The following SPMAP1 variants were observed in gnomAD, a reference collection of about 807,000 sequenced individuals.
SPMAP1 encodes the protein sperm microtubule associated protein 1, also known as uncharacterized protein C17orf98.
chr17:38,839,211 C>T, the SPMAP1 span, among the ~76,000 whole-genome samples: 1 of 151,254 alleles, frequency 6.6e-6, no homozygotes, highest in African/African-American at 2.4e-5. Context: ...TTCCTTCTGT[C>T]GTAAAATTAC....
At chr17:38,835,938 A>G in the SPMAP1 span, among the ~76,000 whole-genome samples, 1 of 152,146 alleles carries the variant, frequency 6.6e-6, no homozygotes, top group Non-Finnish European at 1.5e-5. Flanking sequence ...TTTTTGAGAC[A>G]GAGTCTTGCA....
chr17:38,835,201 G>GA, the SPMAP1 span: 10 of 1,614,070 alleles, frequency 6.2e-6, no homozygotes, highest in African/African-American at 1.2e-4. Context: ...AGAACAGAGG[G>GA]AAGTGGGTGA....
At chr17:38,837,019 A>AC in the SPMAP1 span, 5 of 730,846 alleles carry the variant, frequency 6.8e-6, no homozygotes. Context: ...GCACTGTGGC[A>AC]CCATCTGCTC....
the SPMAP1 span, chr17:38,841,260 T>C: frequency 5.0e-6 from 8 of 1,614,050 alleles, no homozygotes; most frequent in Non-Finnish European, 6.8e-6. Flanking sequence ...TGCTGCGCGT[T>C]GTAGGGCGGA....
At chr17:38,835,241 A>C in the SPMAP1 span, 1 of 1,614,196 alleles carries the variant, frequency 6.2e-7, no homozygotes, top group Non-Finnish European at 8.5e-7. Flanking sequence ...GCTCTGACGG[A>C]GGGCTGGAGT....
At chr17:38,839,848 A>G in the SPMAP1 span, among the ~76,000 whole-genome samples, 3 of 152,282 alleles carry the variant, frequency 2.0e-5, no homozygotes, top group South Asian at 2.1e-4. Context: ...TGTGTGACTC[A>G]TGTATGTCCA....
chr17:38,837,066 T>C, the SPMAP1 span: 1 of 991,794 alleles, frequency 1.0e-6, no homozygotes, highest in South Asian at 1.3e-5. Context: ...TGCAGTCCCT[T>C]TGCCTCTTCC....
At chr17:38,839,810 TA>T in the SPMAP1 span, among the ~76,000 whole-genome samples, 49 of 149,418 alleles carry the variant, frequency 3.3e-4, 1 homozygote, top group East Asian at 1.6e-3. Context: ...AAAAAAAAAT[TA>T]AAAAAAAAAT....
chr17:38,837,026 G>C, the SPMAP1 span: 1 of 753,168 alleles, frequency 1.3e-6, no homozygotes, highest in Non-Finnish European at 2.4e-6. Context: ...GGCACCATCT[G>C]CTCATGTATG....
the SPMAP1 span, chr17:38,837,063 C>T: frequency 8.5e-6 from 8 of 945,886 alleles, no homozygotes; most frequent in Non-Finnish European, 1.2e-5. Flanking sequence ...GGATGCAGTC[C>T]CTTTGCCTCT....
At chr17:38,837,960 C>G in the SPMAP1 span, among the ~76,000 whole-genome samples, 1 of 152,178 alleles carries the variant, frequency 6.6e-6, no homozygotes, top group African/African-American at 2.4e-5. Flanking sequence ...GCCATCTCGG[C>G]TCACTGCAAC....
the SPMAP1 span, among the ~76,000 whole-genome samples, chr17:38,836,475 C>G: frequency 4.6e-5 from 7 of 151,950 alleles, no homozygotes; most frequent in Non-Finnish European, 8.8e-5. Context: ...TGGTGCACAC[C>G]TGTGGGCCCA....
chr17:38,838,806 C>T, the SPMAP1 span, among the ~76,000 whole-genome samples: 36 of 150,910 alleles, frequency 2.4e-4, no homozygotes, highest in Non-Finnish European at 3.7e-4. Context: ...TTTTCAAGGC[C>T]GGGTGCGGTG....
At chr17:38,839,415 C>A in the SPMAP1 span, among the ~76,000 whole-genome samples, 1 of 149,316 alleles carries the variant, frequency 6.7e-6, no homozygotes, top group African/African-American at 2.5e-5. Context: ...TTGCAGTAAG[C>A]CAAAATTATG....
chr17:38,841,089 C>A, the SPMAP1 span: 2 of 785,398 alleles, frequency 2.5e-6, no homozygotes, highest in Non-Finnish European at 4.1e-6. Context: ...GAAAGTAAAC[C>A]GAGGAGGTGA....
the SPMAP1 span, among the ~76,000 whole-genome samples, chr17:38,836,596 T>C: frequency 2.2e-5 from 3 of 139,112 alleles, no homozygotes; most frequent in African/African-American, 2.7e-5. Flanking sequence ...TTTTTTTTTT[T>C]TTTTTTTTTT....
At chr17:38,841,156 G>A in the SPMAP1 span, 1 of 1,577,750 alleles carries the variant, frequency 6.3e-7, no homozygotes, top group Admixed American at 1.7e-5. Flanking sequence ...AGGGAGGTGT[G>A]TGGGGTCTTC....
At chr17:38,836,835 A>T in the SPMAP1 span, among the ~76,000 whole-genome samples, 1 of 151,218 alleles carries the variant, frequency 6.6e-6, no homozygotes, top group East Asian at 2.0e-4. Context: ...ACCTCAAGTG[A>T]TCCACCCGCC....
At chr17:38,841,049 T>C in the SPMAP1 span, 3 of 611,690 alleles carry the variant, frequency 4.9e-6, no homozygotes, top group East Asian at 8.7e-5. Flanking sequence ...CTCAAAATAA[T>C]AATAATAAAT....
Sources: allele counts gnomAD v4.1 joint callset (sites outside exome capture counted in the v4.1 genomes callset), GRCh38; gene constraint gnomAD v4.1.1; transcripts MANE v1.5; gene names NCBI Gene and HGNC (gene_info 2026-07-23, HGNC 2026-07-21).